FOXP2: variants seen among roughly 807,000 people sequenced by gnomAD.
The protein encoded by FOXP2 is forkhead box P2, also known as forkhead box protein P2.
A neutral mutation model predicts 115.8 loss-of-function variants in FOXP2; 12 were observed. That is an observed-to-expected ratio of 0.10 (90% CI 0.07 to 0.17). FOXP2 has a LOEUF of 0.17. Ranked by LOEUF, FOXP2 falls within the 10% of genes least tolerant of loss-of-function variation. FOXP2 has a pLI of 1.00. For synonymous variants in FOXP2, 328 were observed against 297.7 expected (o/e 1.10, Z -1.05); for missense variants, 629 against 843.5 (o/e 0.75, Z 3.15).
At chr7:114,598,701 C>G (rs1802853876) in intron 3 of FOXP2, among the ~76,000 whole-genome samples, 1 of 152,086 alleles carries the variant, frequency 6.6e-6, no homozygotes, top group African/African-American at 2.4e-5. Context: ...GTCTCCAGAA[C>G]TTTTTCATCT....
intron 2 of FOXP2, among the ~76,000 whole-genome samples, chr7:114,342,275 C>T (rs1791235468): frequency 6.6e-6 from 1 of 151,182 alleles, no homozygotes; most frequent in Non-Finnish European, 1.5e-5. Flanking sequence ...ACAAAATCAT[C>T]TAAATCTCCA....
At chr7:114,367,337 T>C (rs1285026452) in intron 2 of FOXP2, among the ~76,000 whole-genome samples, 1 of 152,100 alleles carries the variant, frequency 6.6e-6, no homozygotes, top group Non-Finnish European at 1.5e-5. Context: ...GGAAAACACT[T>C]CTGCTGACTA....
intron 1 of FOXP2, among the ~76,000 whole-genome samples, chr7:114,145,571 T>C (rs749146968): frequency 4.6e-5 from 7 of 151,308 alleles, no homozygotes; most frequent in Non-Finnish European, 8.8e-5. Context: ...CACTGCAACC[T>C]CCACCTCCCG....
intron 3 of FOXP2, among the ~76,000 whole-genome samples, chr7:114,622,129 G>A (rs918499172): frequency 6.6e-6 from 1 of 151,874 alleles, no homozygotes; most frequent in Non-Finnish European, 1.5e-5. Context: ...AGCGCAAAAA[G>A]CTGAGAGACT....
At chr7:114,368,573 ACCTCTG>A (rs964779175) in intron 2 of FOXP2, among the ~76,000 whole-genome samples, 1 of 152,054 alleles carries the variant, frequency 6.6e-6, no homozygotes, top group African/African-American at 2.4e-5. Context: ...GTTGTAAAAT[ACCTCTG>A]CCATTTTTGA....
At chr7:114,124,677 A>G (rs1216272401) in intron 1 of FOXP2, among the ~76,000 whole-genome samples, 2 of 152,064 alleles carry the variant, frequency 1.3e-5, no homozygotes, top group African/African-American at 4.8e-5. Flanking sequence ...ATTAAATGCA[A>G]CATCTAAATA....
At chr7:114,148,439 A>T (rs577020216) in intron 1 of FOXP2, among the ~76,000 whole-genome samples, 36 of 152,218 alleles carry the variant, frequency 2.4e-4, no homozygotes, top group Middle Eastern at 6.8e-3. Flanking sequence ...GGCAACGTTC[A>T]CTTATCCTCT....
At chr7:114,399,919 C>T (rs888958906) in intron 2 of FOXP2, among the ~76,000 whole-genome samples, 1 of 132,242 alleles carries the variant, frequency 7.6e-6, no homozygotes, top group Non-Finnish European at 1.6e-5. Flanking sequence ...TGCAGTGGCG[C>T]GATCTTGGCT....
intron 2 of FOXP2, among the ~76,000 whole-genome samples, chr7:114,518,003 A>C (rs1229162979): frequency 6.6e-6 from 1 of 152,054 alleles, no homozygotes; most frequent in Admixed American, 6.6e-5. Flanking sequence ...AATTTCTTTC[A>C]TCAATATTTT....
At chr7:114,404,401 G>A (rs1343792824) in intron 2 of FOXP2, among the ~76,000 whole-genome samples, 3 of 151,998 alleles carry the variant, frequency 2.0e-5, no homozygotes, top group Non-Finnish European at 4.4e-5. Flanking sequence ...GTTCTAATTG[G>A]TTACATAACA....
chr7:114,241,777 C>A (rs915086051), intron 1 of FOXP2, among the ~76,000 whole-genome samples: 7 of 151,266 alleles, frequency 4.6e-5, no homozygotes, highest in Admixed American at 4.6e-4. Context: ...TAATGGAAAG[C>A]AATTTGTGGA....
intron 2 of FOXP2, among the ~76,000 whole-genome samples, chr7:114,527,389 C>CTAT (rs1381881839): frequency 6.6e-6 from 1 of 151,964 alleles, no homozygotes; most frequent in Non-Finnish European, 1.5e-5. Context: ...TTTTGGACTT[C>CTAT]TATTACTGTG....
chr7:114,329,833 T>C (rs981214588), intron 2 of FOXP2, among the ~76,000 whole-genome samples: 2 of 151,678 alleles, frequency 1.3e-5, no homozygotes, highest in South Asian at 2.1e-4. Context: ...CGTGCCACCA[T>C]ACCTGGCTAA....
chr7:114,442,284 A>G (rs901697980), intron 2 of FOXP2, among the ~76,000 whole-genome samples: 10 of 152,118 alleles, frequency 6.6e-5, no homozygotes, highest in Non-Finnish European at 1.3e-4. Context: ...ATGTAAACAG[A>G]AAGATTAGTG....
chr7:114,138,613 G>A (rs552706269), intron 1 of FOXP2, among the ~76,000 whole-genome samples: 209 of 152,076 alleles, frequency 1.4e-3, no homozygotes, highest in Non-Finnish European at 2.4e-3. Flanking sequence ...GACTGGTCTC[G>A]AACTCCTGAC....
chr7:114,497,101 T>C (rs780513059), intron 2 of FOXP2, among the ~76,000 whole-genome samples: 1 of 152,174 alleles, frequency 6.6e-6, no homozygotes, highest in African/African-American at 2.4e-5. Context: ...AGTTGATAGG[T>C]AAATTTCAAA....
intron 1 of FOXP2, among the ~76,000 whole-genome samples, chr7:114,110,312 T>C (rs1791236665): frequency 6.6e-6 from 1 of 152,176 alleles, no homozygotes; most frequent in South Asian, 2.1e-4. Context: ...CTTGAATTGG[T>C]ATTTACAAAA....
At chr7:114,655,162 T>A (rs1032120566) in intron 10 of FOXP2, among the ~76,000 whole-genome samples, 1 of 152,176 alleles carries the variant, frequency 6.6e-6, no homozygotes, top group East Asian at 1.9e-4. Context: ...ATCATGTATT[T>A]ATGACTATCT....
intron 3 of FOXP2, among the ~76,000 whole-genome samples, chr7:114,586,952 C>T (rs1802166355): frequency 6.6e-6 from 1 of 151,830 alleles, no homozygotes; most frequent in Non-Finnish European, 1.5e-5. Context: ...GTTTTACTAA[C>T]AAAGTACTAC....
Sources: allele counts gnomAD v4.1 joint callset (sites outside exome capture counted in the v4.1 genomes callset), GRCh38; gene constraint gnomAD v4.1.1; transcripts MANE v1.5; gene names NCBI Gene and HGNC (gene_info 2026-07-23, HGNC 2026-07-21).